The following LZTFL1 variants were observed in gnomAD, a reference collection of about 807,000 sequenced individuals.
The protein encoded by LZTFL1 is leucine zipper transcription factor-like protein 1.
In LZTFL1, 25 loss-of-function variants were observed where a neutral mutation model predicts 45.9. That is an observed-to-expected ratio of 0.54 (90% CI 0.40 to 0.76). The LOEUF (loss-of-function observed/expected upper bound fraction) is 0.76, where lower values mean the gene tolerates loss of function less well. LZTFL1 is among the 30% of genes least tolerant of loss of function. LZTFL1 has a pLI of 0.00. For synonymous variants in LZTFL1, 93 were observed against 117.4 expected, an observed-to-expected ratio of 0.79 and a Z score of 1.35; for missense variants, 277 against 331.1, an observed-to-expected ratio of 0.84 and a Z score of 1.27.
chr3:45,897,993 A>AG (rs1702418533), intron 2 of LZTFL1, among the ~76,000 whole-genome samples: 1 of 146,270 alleles, frequency 6.8e-6, no homozygotes, highest in South Asian at 2.2e-4. Flanking sequence ...AAAAAAAAAA[A>AG]CACACAAAAC....
intron 1 of LZTFL1, 122 bp downstream of exon 1, chr3:45,841,867 G>C (rs1701125799): frequency 7.7e-7 from 1 of 1,295,788 alleles, no homozygotes; most frequent in Non-Finnish European, 1.1e-6. Context: ...TCTCAGGGAG[G>C]CTGAGGTGCG....
chr3:45,869,656 G>T (rs1202045835), intron 2 of LZTFL1, among the ~76,000 whole-genome samples: 2 of 152,204 alleles, frequency 1.3e-5, no homozygotes, highest in African/African-American at 4.8e-5. Flanking sequence ...CCTGGAAGCA[G>T]TGTGGGTAAT....
intron 2 of LZTFL1, among the ~76,000 whole-genome samples, chr3:45,893,446 T>C (rs959061802): frequency 6.6e-6 from 1 of 152,170 alleles, no homozygotes; most frequent in South Asian, 2.1e-4. Flanking sequence ...TAAGCCACCA[T>C]GCCCAGCCAC....
At chr3:45,836,792 T>C (rs544240444) in intron 2 of LZTFL1, among the ~76,000 whole-genome samples, 2 of 152,248 alleles carry the variant, frequency 1.3e-5, no homozygotes, top group East Asian at 3.8e-4. Flanking sequence ...GACTTGCCTA[T>C]GGTTACATTG....
At chr3:45,868,656 AG>A (rs953426652) in intron 2 of LZTFL1, among the ~76,000 whole-genome samples, 10 of 150,594 alleles carry the variant, frequency 6.6e-5, no homozygotes, top group African/African-American at 1.8e-4. Flanking sequence ...AGTCAGTGGT[AG>A]GGGGGGTAAA....
At chr3:45,837,606 A>C (rs961262496) in intron 2 of LZTFL1, among the ~76,000 whole-genome samples, 4 of 152,226 alleles carry the variant, frequency 2.6e-5, no homozygotes, top group Admixed American at 2.6e-4. Context: ...TTAATAACTC[A>C]AGTAATTAAA....
chr3:45,857,489 ACCTG>A (rs1701412322), intron 3 of LZTFL1, among the ~76,000 whole-genome samples: 2 of 152,282 alleles, frequency 1.3e-5, no homozygotes, highest in South Asian at 4.1e-4. Flanking sequence ...TGTGTAAAAA[ACCTG>A]CACGTCCCAG....
chr3:45,878,819 G>A (rs528941522), intron 2 of LZTFL1, among the ~76,000 whole-genome samples: 4 of 152,202 alleles, frequency 2.6e-5, no homozygotes, highest in African/African-American at 4.8e-5. Flanking sequence ...AGTGGCTCAC[G>A]CCTGTAATCC....
In LZTFL1 at chr3:45,837,915, C is replaced by T. The variant is rs201982013; in HGVS notation, c.128+12G>A. 3.1e-5 allele frequency: 50 copies of T among 1,598,016 alleles called. No individual in the cohort carries two copies. Among genetic ancestry groups the T allele is most frequent in the Non-Finnish European group, 4.0e-5 (47 of 1,174,968 alleles). ...GTTCCTATTTGGTTTGCTTAGAGTCCTCCTCTGATACCTGCTCTCCTTGAG... is the reference window on the plus strand; with the variant it reads ...GTTCCTATTTGGTTTGCTTAGAGTCTTCCTCTGATACCTGCTCTCCTTGAG... On this transcript the variant is annotated intron_variant, in intron 2 of 9. Transcript: ENST00000296135.
At chr3:45,914,015 C>T (rs114521162) in intron 1 of LZTFL1, among the ~76,000 whole-genome samples, 1,790 of 152,300 alleles carry the variant, frequency 0.012, 44 homozygotes, top group African/African-American at 0.04. Context: ...ACATCCTCCT[C>T]TCCAAGACTG....
intron 2 of LZTFL1, among the ~76,000 whole-genome samples, chr3:45,912,378 T>C (rs1285957693): frequency 6.6e-6 from 1 of 152,182 alleles, no homozygotes; most frequent in Non-Finnish European, 1.5e-5. Flanking sequence ...ATAAAGTGAC[T>C]TTGCAGTTCC....
At chr3:45,844,264 T>G (rs1189051222), upstream of LZTFL1, among the ~76,000 whole-genome samples, 1 of 152,086 alleles carries the variant, frequency 6.6e-6, no homozygotes, top group Non-Finnish European at 1.5e-5. Context: ...ACAGAACCCC[T>G]GTTGTGTGCA....
At chr3:45,895,791 G>T (rs929979208) in intron 2 of LZTFL1, among the ~76,000 whole-genome samples, 1 of 151,374 alleles carries the variant, frequency 6.6e-6, no homozygotes, top group Non-Finnish European at 1.5e-5. Context: ...ATGTAATTAA[G>T]TGTAGAATCA....
At chr3:45,903,554 G>A (rs930095130) in intron 2 of LZTFL1, among the ~76,000 whole-genome samples, 2 of 152,148 alleles carry the variant, frequency 1.3e-5, no homozygotes, top group African/African-American at 4.8e-5. Flanking sequence ...CCATTCCAAC[G>A]CCATCCCTTT....
intron 2 of LZTFL1, chr3:45,895,040 G>C: frequency 7.4e-7 from 1 of 1,351,780 alleles, no homozygotes; most frequent in Admixed American, 1.7e-5. Flanking sequence ...CACTGTGGGG[G>C]AAGGATTTAT....
At chr3:45,885,504 T>C (rs1304361019) in intron 2 of LZTFL1, among the ~76,000 whole-genome samples, 1 of 152,216 alleles carries the variant, frequency 6.6e-6, no homozygotes, top group Non-Finnish European at 1.5e-5. Context: ...CCTTACTAGA[T>C]TTGCCCCAAT....
At chr3:45,880,669 T>C (rs1160060816) in intron 2 of LZTFL1, among the ~76,000 whole-genome samples, 4 of 152,176 alleles carry the variant, frequency 2.6e-5, no homozygotes, top group Non-Finnish European at 5.9e-5. Context: ...TCCTGCCTGT[T>C]GGTCTTTCTC....
chr3:45,898,859 T>C (rs763995246), intron 2 of LZTFL1, among the ~76,000 whole-genome samples: 1 of 152,222 alleles, frequency 6.6e-6, no homozygotes, highest in Non-Finnish European at 1.5e-5. Context: ...ACTGTGCTAA[T>C]GTGCAATTAA....
At chr3:45,904,202 A>C (rs1162457555) in intron 2 of LZTFL1, among the ~76,000 whole-genome samples, 1 of 152,246 alleles carries the variant, frequency 6.6e-6, no homozygotes, top group East Asian at 1.9e-4. Flanking sequence ...CAATATAATG[A>C]ATTAATATCT....
Sources: allele counts gnomAD v4.1 joint callset (sites outside exome capture counted in the v4.1 genomes callset), GRCh38; gene constraint gnomAD v4.1.1; transcripts MANE v1.5; gene names NCBI Gene and HGNC (gene_info 2026-07-23, HGNC 2026-07-21).